Variants in CTC1 observed in about 807,000 individuals in gnomAD.
The protein encoded by CTC1 is CST complex subunit CTC1.
CTC1 carries 91 observed loss-of-function variants against 136.3 expected under a neutral mutation model. The ratio of observed to expected loss-of-function variants is 0.67; its 90% CI spans 0.56 to 0.79. The LOEUF (loss-of-function observed/expected upper bound fraction) is 0.79. Among genes scored for constraint, CTC1 ranks in the 30% least tolerant of loss-of-function variants. The pLI is 0.00. For synonymous variants in CTC1, 606 were observed against 613.8 expected (o/e 0.99, Z 0.19); for missense variants, 1,432 against 1,498.1 (o/e 0.96, Z 0.73).
chr17:8,232,157 T>C lies in CTC1; in HGVS notation c.2131A>G (p.Thr711Ala), dbSNP rs753055260. Residue 711 changes from threonine (T) to alanine (A), a missense_variant, in exon 13 of 23, where the codon ACA becomes GCA. Transcript: ENST00000651323. ...PVPRPCLHSATPSTPQTDPTG... is the reference protein window; with the variant it reads ...PVPRPCLHSAAPSTPQTDPTG... Reference sequence around the variant, plus strand: ...GGATCTGTCTGAGGTGTTGAGGGTGTTGCTGAATGAAGGCAGGGTCTGGGC... The same window carrying C: ...GGATCTGTCTGAGGTGTTGAGGGTGCTGCTGAATGAAGGCAGGGTCTGGGC... 1.3e-6 allele frequency: 2 copies of C among 1,524,280 alleles called. No homozygotes were observed. Among genetic ancestry groups the C allele is most frequent in the South Asian group, 2.7e-5 (2 of 75,350 alleles). The allele number at this position is 1,524,280 out of a possible 1,614,324, so 94.4% of individuals were successfully genotyped here.
In CTC1 at chr17:8,236,429, C is replaced by T. The variant is rs74649547; in HGVS notation, c.793-87G>A. ...GTCCTTTTCCCTCACGATTTGAACT[C>T]AGAGACCTGCCCTCTGTGAGTCTCA... On this transcript the variant is annotated intron_variant, in intron 5 of 22. Coordinates refer to ENST00000651323, the MANE Select transcript of CTC1 (RefSeq NM_025099.6). 1,557 of 1,393,474 alleles carry T rather than the reference C, an allele frequency of 1.1e-3. 7 individuals carry two copies. In the African/African-American group the frequency reaches 0.019, roughly 17 times the overall value. The allele number at this position is 1,393,474 out of a possible 1,614,324, so 86.3% of individuals were successfully genotyped here. A position where few individuals can be genotyped will look rare whatever the true frequency, so the allele number is the denominator to read the frequency against.
In CTC1 at chr17:8,226,061, C is replaced by T. The variant is rs897162360; in HGVS notation, c.*2119G>A. On this transcript the variant is annotated 3_prime_UTR_variant, in exon 23 of 23. Transcript: ENST00000651323. The stretch of plus-strand genomic sequence containing the variant: ...TTAGGCCTATGCAACATTTCTGCCC[C>T]TAAGTTAGAGAACCACCTTTTAGAG... 1 of 152,104 alleles carries T rather than the reference C, an allele frequency of 6.6e-6. No homozygotes were observed. The highest frequency in any genetic ancestry group is 1.5e-5 in the Non-Finnish European group (1 of 68,016). The allele number at this position is 152,104 out of a possible 1,614,324, so 9.4% of individuals were successfully genotyped here.
At chr17:8,232,793 A>T (rs1987357749) in intron 11 of CTC1, 113 bp downstream of exon 11, 1 of 1,364,222 alleles carries the variant, frequency 7.3e-7, no homozygotes, top group East Asian at 2.3e-5. Flanking sequence ...GTTGATTGAC[A>T]TGTGTCACTT....
rs1234834091 is a variant in CTC1 at position 8,247,892 on chromosome 17, G to T, written c.33+112C>A. 3.6e-6 allele frequency: 4 copies of T among 1,098,430 alleles called. No individual in the cohort carries two copies. In the Admixed American group the frequency reaches 6.0e-5, roughly 16 times the overall value. 68.0% of individuals were successfully genotyped at this position (1,098,430 alleles called of 1,614,324 possible). ...ACCGACTCACAACCCCCTCACCCAT[G>T]GGCCGGACGCGGCCAGCGAGCCCAG... On this transcript the variant is annotated intron_variant, in intron 1 of 22. Coordinates refer to ENST00000651323, the MANE Select transcript of CTC1 (RefSeq NM_025099.6).
intron 18 of CTC1, 76 bp from the exon 19 acceptor site, chr17:8,229,522 T>C (rs544670897): frequency 7.3e-5 from 101 of 1,375,264 alleles, no homozygotes; most frequent in Non-Finnish European, 1.0e-4. Flanking sequence ...GCAGGGTGGG[T>C]CTAGAAGGAC....
At chr17:8,242,549 A>ATATATAT (rs1232717186) in intron 2 of CTC1, among the ~76,000 whole-genome samples, 5 of 77,690 alleles carry the variant, frequency 6.4e-5, no homozygotes, top group South Asian at 4.0e-4. Flanking sequence ...AAAAAAAAAA[A>ATATATAT]AAAAATATAT....
In CTC1 at chr17:8,231,753, C is replaced by T; in HGVS notation, c.2448G>A (p.Val816=). 6.2e-7 allele frequency: 1 copy of T among 1,614,150 alleles called. No homozygotes were observed. Among genetic ancestry groups the T allele is most frequent in the Non-Finnish European group, 8.5e-7 (1 of 1,179,998 alleles). The change falls in exon 14 of 23, where the codon GTG becomes GTA. Residue 816 remains valine (V), a synonymous_variant. Transcript: ENST00000651323. ...CGGGGCCAGGAGCTATGAGTCGGTA[C>T]ACCTGTCCCGGGTGCAAGAACTCAA... ...RWFEFLHPGQ[V]YRLIAPGPAT...
Position 8,242,910 on chromosome 17 carries a change from T to C in CTC1, c.197+75A>G, listed in dbSNP as rs555028600. The stretch of plus-strand genomic sequence containing the variant: ...CTCTCTCACTTGCCCTTTTTCTAAT[T>C]ATAGAACCTTACTTTTCAATCCTGA... On this transcript the variant is annotated intron_variant, in intron 2 of 22. Transcript: ENST00000651323. The C allele has an allele frequency of 1.2e-5, 17 of 1,399,134 alleles. No homozygotes were observed. In the East Asian group the frequency reaches 4.0e-4, roughly 33 times the overall value. The allele number at this position is 1,399,134 out of a possible 1,614,324, so 86.7% of individuals were successfully genotyped here.
At chr17:8,241,807 A>T (rs1211750199) in intron 2 of CTC1, among the ~76,000 whole-genome samples, 2 of 136,128 alleles carry the variant, frequency 1.5e-5, no homozygotes, top group Non-Finnish European at 3.1e-5. Context: ...CCATGTTTAT[A>T]CCACTGCACT....
In CTC1 at chr17:8,246,420, G is replaced by A. The variant is rs114538930; in HGVS notation, c.33+1584C>T. ...CTATCCATCTGCCAGACTCTCCATG[G>A]CCAATCCACAGGCAGCACACATGCC... On this transcript the variant is annotated intron_variant, in intron 1 of 22. Coordinates refer to ENST00000651323, the MANE Select transcript of CTC1 (RefSeq NM_025099.6). Among the ~76,000 whole-genome samples, 776 of 152,206 alleles carry A rather than the reference G, an allele frequency of 5.1e-3. 4 individuals are homozygous for A. Among genetic ancestry groups the A allele is most frequent in the African/African-American group, 0.017 (718 of 41,526 alleles).
Position 8,232,069 on chromosome 17 carries a change from G to A in CTC1, c.2219C>T (p.Ala740Val). ...SRLFLLCHKEALMKRNFCVPP... is the reference protein window; with the variant it reads ...SRLFLLCHKEVLMKRNFCVPP... ...GACACAAAAATTACGCTTCATGAGG[G>A]CCTCCTTGTGGCAGAGCAAGAAGAG... is the stretch of plus-strand genomic sequence containing the variant. The change falls in exon 13 of 23, where the codon GCC becomes GTC. Residue 740 changes from alanine to valine, a missense_variant. Ala to Val is a moderately conservative substitution (Grantham distance 64). Coordinates refer to ENST00000651323, the MANE Select transcript of CTC1 (RefSeq NM_025099.6). 1 of 1,561,872 alleles carries A rather than the reference G, an allele frequency of 6.4e-7. No homozygotes were observed. Among genetic ancestry groups the A allele is most frequent in the Non-Finnish European group, 8.6e-7 (1 of 1,159,250 alleles).
chr17:8,245,208 G>A (rs1249566665), intron 1 of CTC1, among the ~76,000 whole-genome samples: 1 of 152,116 alleles, frequency 6.6e-6, no homozygotes, highest in Non-Finnish European at 1.5e-5. Flanking sequence ...TAGTACAGGG[G>A]TGACGAAATA....
intron 5 of CTC1, 22 bp from the exon 6 acceptor site, chr17:8,236,364 A>T (rs1415668206): frequency 6.3e-7 from 1 of 1,592,292 alleles, no homozygotes; most frequent in Non-Finnish European, 8.5e-7. Context: ...AGAGACAGGC[A>T]ATGTGACACA....
rs1440512264 is a variant in CTC1, at chr17:8,226,655, T to TA, written c.*1524_*1525insT. On this transcript the variant is annotated 3_prime_UTR_variant, in exon 23 of 23. Transcript: ENST00000651323. ...CCTGCGCGGGGAGACCCCAATGGAT[T>TA]TCTAGTCCATCGCCTTAACCACTCG... The TA allele has an allele frequency of 6.6e-6, 1 of 152,184 alleles. No homozygotes were observed. Among genetic ancestry groups the TA allele is most frequent in the African/African-American group, 2.4e-5 (1 of 41,452 alleles). The allele number at this position is 152,184 out of a possible 1,614,324, so 9.4% of individuals were successfully genotyped here.
At chr17:8,237,740 ATAAATGCTGTCCCTTCCACAG>A (rs1423260895) in intron 4 of CTC1, among the ~76,000 whole-genome samples, 3 of 146,748 alleles carry the variant, frequency 2.0e-5, no homozygotes, top group Non-Finnish European at 4.5e-5. Context: ...CTTTTTCCCT[ATAAATGCTGTCCCTTCCACAG>A]TAAAGAATAA....
intron 10 of CTC1, 43 bp downstream of exon 10, chr17:8,234,412 A>C (rs747216194): frequency 1.3e-6 from 2 of 1,525,632 alleles, no homozygotes; most frequent in Non-Finnish European, 1.8e-6. Context: ...AATAAGGATG[A>C]CAAAAAGGGA....
rs1209523245 is a variant in CTC1 at position 8,228,861 on chromosome 17, C to G, written c.3253G>C (p.Val1085Leu). Residue 1085 changes from valine to leucine, a missense_variant, in exon 21 of 23, where the codon GTG becomes CTG. Transcript: ENST00000651323. ...ACATGGTGATTCCTACAGGTCACCA[C>G]GGCTTCGGCAGTCCCATCCTCCACC... Reference protein sequence around the residue: ...LLVEDGTAEAVVTCRNHHVAA... With the variant: ...LLVEDGTAEALVTCRNHHVAA... 6.8e-6 allele frequency: 11 copies of G among 1,613,730 alleles called. No individual in the cohort carries two copies. Among genetic ancestry groups the G allele is most frequent in the East Asian group, 4.5e-5 (2 of 44,892 alleles).
In CTC1 at chr17:8,230,461, C is replaced by T. The variant is rs775342727; in HGVS notation, c.2766G>A (p.Thr922=). The change falls in exon 17 of 23, where the codon ACG becomes ACA. Residue 922 remains threonine (T), a synonymous_variant. Transcript: ENST00000651323. ...VASLWMKLGN[T]GAMRRCVKLT... is the part of the protein sequence containing the mutation. ...GCTTCACACACCTTCTCATGGCCCCCGTGTTCCCTATAGAAGGAAGGTGGG... is the reference window on the plus strand; with the variant it reads ...GCTTCACACACCTTCTCATGGCCCCTGTGTTCCCTATAGAAGGAAGGTGGG... 25 of 1,613,864 alleles carry T rather than the reference C, an allele frequency of 1.5e-5. No individual in the cohort carries two copies. Among genetic ancestry groups the T allele is most frequent in the Middle Eastern group, 1.6e-4 (1 of 6,062 alleles).
At position 8,226,053 on chromosome 17, in the gene CTC1, T is replaced by A. The variant is rs1986605875; in HGVS notation, c.*2127A>T. The A allele has an allele frequency of 1.3e-5, 2 of 152,116 alleles. No homozygotes were observed. The highest frequency in any genetic ancestry group is 4.8e-5 in the African/African-American group (2 of 41,412). The allele number at this position is 152,116 out of a possible 1,614,324, so 9.4% of individuals were successfully genotyped here. A position where few individuals can be genotyped will look rare whatever the true frequency, so the allele number is the denominator to read the frequency against. The stretch of plus-strand genomic sequence containing the variant: ...AAGGACCCTTAGGCCTATGCAACAT[T>A]TCTGCCCCTAAGTTAGAGAACCACC... On this transcript the variant is annotated 3_prime_UTR_variant, in exon 23 of 23. Transcript: ENST00000651323.
Sources: gnomAD v4.1 joint callset for allele counts (sites outside exome capture counted in the v4.1 genomes callset) on GRCh38, gnomAD v4.1.1 for gene constraint, MANE v1.5 for transcripts, NCBI Gene and HGNC (gene_info 2026-07-23, HGNC 2026-07-21) for gene names.